Variants in BNIP2 observed in about 807,000 individuals in gnomAD.
BNIP2 encodes BCL2 interacting protein 2.
In BNIP2, 36 loss-of-function variants were observed where a neutral mutation model predicts 43.4. That is an observed-to-expected ratio of 0.83 (90% CI 0.64 to 1.10). The LOEUF is 1.10. Ranked by LOEUF, BNIP2 falls within the 50% of genes least tolerant of loss-of-function variation. The pLI is 0.00. For missense variants in BNIP2, 417 were observed against 374.1 expected, an observed-to-expected ratio of 1.11 and a Z score of -0.95; for synonymous variants, 146 against 121.0, an observed-to-expected ratio of 1.21 and a Z score of -1.35.
intron 5 of BNIP2, chr15:59,677,219 C>T (rs754906412): frequency 6.3e-5 from 101 of 1,593,720 alleles, no homozygotes; most frequent in Middle Eastern, 4.0e-4. Context: ...AAGTAGTACC[C>T]GTCTTCCAGA....
intron 9 of BNIP2, chr15:59,668,093 G>C: frequency 2.3e-6 from 3 of 1,296,258 alleles, no homozygotes; most frequent in Non-Finnish European, 3.1e-6. Context: ...CAGTCAAGGT[G>C]TGCATATACC....
At chr15:59,677,642 G>A (rs769855871) in intron 5 of BNIP2, among the ~76,000 whole-genome samples, 1 of 152,160 alleles carries the variant, frequency 6.6e-6, no homozygotes, top group Non-Finnish European at 1.5e-5. Context: ...CTTTGTTGAT[G>A]TTTGTGAAGC....
Position 59,680,222 on chromosome 15 carries a change from G to GT in BNIP2, c.118+18dup. 1.3e-6 allele frequency: 2 copies of GT among 1,502,488 alleles called. No individual in the cohort carries two copies. Among genetic ancestry groups the GT allele is most frequent in the Non-Finnish European group, 9.0e-7 (1 of 1,113,700 alleles). The allele number at this position is 1,502,488 out of a possible 1,614,324, so 93.1% of individuals were successfully genotyped here. A position where few individuals can be genotyped will look rare whatever the true frequency, so the allele number is the denominator to read the frequency against. ...CACAAAGTCCATAATTTCAATGAAAGTAAGTGTCAAGCTCTTACCAGGCTG... is the reference window on the plus strand; with the variant it reads ...CACAAAGTCCATAATTTCAATGAAAGTTAAGTGTCAAGCTCTTACCAGGCTG... On this transcript the variant is annotated intron_variant, in intron 3 of 9. Transcript: ENST00000607373.
At chr15:59,679,452 A>T in intron 4 of BNIP2, 140 bp downstream of exon 4, 1 of 983,096 alleles carries the variant, frequency 1.0e-6, no homozygotes, top group Non-Finnish European at 1.4e-6. Flanking sequence ...CACACTTTTT[A>T]AGTCCTTGAG....
rs2141982098 is a variant in BNIP2 at position 59,663,500 on chromosome 15, A to C, written c.*569T>G. 1 of 152,786 alleles carries C rather than the reference A, an allele frequency of 6.5e-6. No homozygotes were observed. The highest frequency in any genetic ancestry group is 6.5e-5 in the Admixed American group (1 of 15,300). The allele number at this position is 152,786 out of a possible 1,614,324, so 9.5% of individuals were successfully genotyped here. A position where few individuals can be genotyped will look rare whatever the true frequency, so the allele number is the denominator to read the frequency against. ...GGGATGGTACTAATACACTTCGATTATATACATGATCTTTGGGTATTCATG... is the reference window on the plus strand; with the variant it reads ...GGGATGGTACTAATACACTTCGATTCTATACATGATCTTTGGGTATTCATG... On this transcript the variant is annotated 3_prime_UTR_variant, in exon 10 of 10. Coordinates refer to ENST00000607373, the MANE Select transcript of BNIP2 (RefSeq NM_004330.4).
In BNIP2 at chr15:59,661,466, A is replaced by G. The variant is rs1393746814; in HGVS notation, c.*2603T>C. 2.0e-5 allele frequency: 3 copies of G among 152,036 alleles called. No homozygotes were observed. The highest frequency in any genetic ancestry group is 2.9e-5 in the Non-Finnish European group (2 of 68,028). The allele number at this position is 152,036 out of a possible 1,614,324, so 9.4% of individuals were successfully genotyped here. On this transcript the variant is annotated 3_prime_UTR_variant, in exon 10 of 10. Transcript: ENST00000607373. ...CTTTCCAATGCCTCTGCTAGACCCT[A>G]CTTAGAATCATATTTCTTCATATCT...
At chr15:59,674,174 ATATG>A (rs1455624557) in intron 5 of BNIP2, among the ~76,000 whole-genome samples, 1 of 152,106 alleles carries the variant, frequency 6.6e-6, no homozygotes, top group Non-Finnish European at 1.5e-5. Context: ...CAGCGCTAAA[ATATG>A]TATGTTTCAA....
At position 59,668,914 on chromosome 15, in the gene BNIP2, C is replaced by A; in HGVS notation, c.871G>T (p.Gly291Cys). 1 of 1,613,508 alleles carries A rather than the reference C, an allele frequency of 6.2e-7. No homozygotes were observed. The highest frequency in any genetic ancestry group is 8.5e-7 in the Non-Finnish European group (1 of 1,179,644). ...TACTGTTTTATGCATTCTGGTATGC[C>A]AACGTATTCCATGGGGACAAGTTCT... ...LAELVPMEYV[G>C]IPECIKQVDQ... The change falls in exon 9 of 10, where the codon GGC (glycine) becomes TGC (cysteine). Residue 291 changes from glycine (G) to cysteine (C), a missense_variant. Transcript: ENST00000607373.
Position 59,669,380 on chromosome 15 carries a change from AACAC to A in BNIP2, c.708-22_708-19del, listed in dbSNP as rs556392162. ...TCCGTAACCTGGAGTTTAAAAAAAAAACACACACACACAAAGAAAATTAAAAATT... is the reference window on the plus strand; with the variant it reads ...TCCGTAACCTGGAGTTTAAAAAAAAAACACACACAAAGAAAATTAAAAATT... On this transcript the variant is annotated intron_variant, in intron 7 of 9. Transcript: ENST00000607373. 2.6e-5 allele frequency: 36 copies of A among 1,389,332 alleles called. No individual in the cohort carries two copies. In the African/African-American group the frequency reaches 4.4e-4, roughly 17 times the overall value. The allele number at this position is 1,389,332 out of a possible 1,614,324, so 86.1% of individuals were successfully genotyped here.
At chr15:59,677,127 A>C (rs1438736286) in intron 5 of BNIP2, 3 of 1,602,384 alleles carry the variant, frequency 1.9e-6, no homozygotes, top group African/African-American at 1.3e-5. Context: ...TATTGTCATC[A>C]ATGAGGCTAT....
At chr15:59,672,807 G>A (rs1180895903) in intron 5 of BNIP2, 68 bp from the exon 6 acceptor site, 1 of 1,055,808 alleles carries the variant, frequency 9.5e-7, no homozygotes, top group East Asian at 2.4e-5. Flanking sequence ...GAAGACATCT[G>A]TATGATTAGT....
chr15:59,677,397 T>G, intron 5 of BNIP2: 1 of 1,512,762 alleles, frequency 6.6e-7, no homozygotes. Context: ...TTTTCCGTAC[T>G]CCAAACCATC....
chr15:59,686,533 C>A (rs1203983411), intron 1 of BNIP2, among the ~76,000 whole-genome samples: 1 of 152,166 alleles, frequency 6.6e-6, no homozygotes, highest in Non-Finnish European at 1.5e-5. Context: ...CAGATGGAAA[C>A]GCCCGGGCAA....
chr15:59,671,119 G>T (rs1595692345), intron 7 of BNIP2, 64 bp downstream of exon 7: 6 of 1,325,358 alleles, frequency 4.5e-6, no homozygotes, highest in Non-Finnish European at 6.0e-6. Flanking sequence ...GAAAAACAAA[G>T]TTTGATTTCC....
At chr15:59,673,414 A>G (rs1182105311) in intron 5 of BNIP2, among the ~76,000 whole-genome samples, 1 of 152,020 alleles carries the variant, frequency 6.6e-6, no homozygotes, top group Non-Finnish European at 1.5e-5. Flanking sequence ...GTGCCCGGCA[A>G]AGTGGGTGCT....
chr15:59,687,896 G>C (rs1165457414), intron 1 of BNIP2, among the ~76,000 whole-genome samples: 3 of 152,080 alleles, frequency 2.0e-5, no homozygotes, highest in African/African-American at 7.3e-5. Flanking sequence ...ACTACATCCT[G>C]GTCCCCATAT....
intron 1 of BNIP2, among the ~76,000 whole-genome samples, chr15:59,686,599 T>C (rs375409393): frequency 9.3e-4 from 142 of 152,324 alleles, no homozygotes; most frequent in African/African-American, 3.3e-3. Context: ...TTATGTTCAC[T>C]TTTTAACCAA....
chr15:59,676,055 T>C (rs544773282), intron 5 of BNIP2, among the ~76,000 whole-genome samples: 1 of 152,228 alleles, frequency 6.6e-6, no homozygotes, highest in Non-Finnish European at 1.5e-5. Flanking sequence ...TATGGTTATA[T>C]AGGCATTTGT....
Position 59,686,125 on chromosome 15 carries a change from T to C in BNIP2, c.-58+3010A>G, listed in dbSNP as rs372612426. On this transcript the variant is annotated intron_variant, in intron 1 of 9. Transcript: ENST00000607373. ...ATAAATTCAAAACAGTTGTTGACCT[T>C]AGGTTAAAAATCAAAGAGATAATTG... Among the ~76,000 whole-genome samples the C allele has an allele frequency of 3.3e-4, 50 of 152,322 alleles. No individual in the cohort carries two copies. In the South Asian group the frequency reaches 0.01, roughly 32 times the overall value.
Sources: gnomAD v4.1 joint callset for allele counts (sites outside exome capture counted in the v4.1 genomes callset) on GRCh38, gnomAD v4.1.1 for gene constraint, MANE v1.5 for transcripts, NCBI Gene and HGNC (gene_info 2026-07-23, HGNC 2026-07-21) for gene names.